The following SPOCK3 variants were observed in gnomAD, a reference collection of about 807,000 sequenced individuals.
The protein encoded by SPOCK3 is testican-3.
SPOCK3 carries 30 observed loss-of-function variants against 56.6 expected under a neutral mutation model. The observed-to-expected ratio is 0.53, with a 90% CI of 0.40 to 0.72. The LOEUF (loss-of-function observed/expected upper bound fraction) is 0.72, where lower values mean the gene tolerates loss of function less well. SPOCK3 is among the 30% of genes least tolerant of loss of function. The pLI, the probability that SPOCK3 is intolerant of heterozygous loss-of-function variation, is 0.00. For synonymous variants in SPOCK3, 196 were observed against 183.3 expected, an observed-to-expected ratio of 1.07 and a Z score of -0.56; for missense variants, 527 against 530.0, an observed-to-expected ratio of 0.99 and a Z score of 0.06.
At position 167,181,308 on chromosome 4, in the gene SPOCK3, G is replaced by A. The variant is rs148439512; in HGVS notation, c.189+52677C>T. ...GACTCCTCTCTCCAAGGATTCATTA[G>A]CAAATTCTGTGACCTCCTCCTTCAA... On this transcript the variant is annotated intron_variant, in intron 2 of 10. Transcript: ENST00000357545. Among the ~76,000 whole-genome samples, 25 of 152,248 alleles carry A rather than the reference G, an allele frequency of 1.6e-4. No homozygotes were observed. In the East Asian group the frequency reaches 4.1e-3, roughly 25 times the overall value.
intron 3 of SPOCK3, among the ~76,000 whole-genome samples, chr4:167,012,130 A>G (rs1750139044): frequency 6.6e-6 from 1 of 152,000 alleles, no homozygotes; most frequent in South Asian, 2.1e-4. Context: ...ACTATGTTTT[A>G]ATAATTAAAA....
intron 4 of SPOCK3, among the ~76,000 whole-genome samples, chr4:166,949,398 TGGA>T (rs1561044119): frequency 1.3e-5 from 2 of 152,216 alleles, no homozygotes; most frequent in South Asian, 2.1e-4. Context: ...TGCGTTCCTT[TGGA>T]GGAGGAGAGG....
chr4:167,000,077 C>T (rs1250904074), intron 4 of SPOCK3, among the ~76,000 whole-genome samples: 3 of 152,096 alleles, frequency 2.0e-5, no homozygotes, highest in African/African-American at 7.2e-5. Context: ...CTTGAAAAAG[C>T]ACAAACAACT....
intron 2 of SPOCK3, among the ~76,000 whole-genome samples, chr4:167,171,656 A>G (rs1276209835): frequency 6.6e-6 from 1 of 152,168 alleles, no homozygotes; most frequent in Non-Finnish European, 1.5e-5. Context: ...AGGTGAGACA[A>G]TCCAAAACAA....
intron 2 of SPOCK3, among the ~76,000 whole-genome samples, chr4:167,211,475 C>T (rs1180840918): frequency 6.6e-6 from 1 of 152,126 alleles, no homozygotes; most frequent in Non-Finnish European, 1.5e-5. Flanking sequence ...GCTGTGTCCC[C>T]ACCTAAATCT....
chr4:166,993,067 T>A (rs1747971786), intron 4 of SPOCK3, among the ~76,000 whole-genome samples: 1 of 152,150 alleles, frequency 6.6e-6, no homozygotes, highest in African/African-American at 2.4e-5. Context: ...GTATACAAGA[T>A]TCAGAAGTAT....
At position 167,189,228 on chromosome 4, in the gene SPOCK3, A is replaced by G. The variant is rs2110831967; in HGVS notation, c.189+44757T>C. Among the ~76,000 whole-genome samples, 2 of 146,142 alleles carry G rather than the reference A, an allele frequency of 1.4e-5. 1 individual carries two copies. On this transcript the variant is annotated intron_variant, in intron 2 of 10. Transcript: ENST00000357545. The stretch of plus-strand genomic sequence containing the variant: ...TAACACCCAACAATATATAATAAGA[A>G]AAGTACACTAGACAAAGTCAAATTT...
At chr4:166,825,399 C>A (rs1413991682) in intron 6 of SPOCK3, among the ~76,000 whole-genome samples, 1 of 151,978 alleles carries the variant, frequency 6.6e-6, no homozygotes, top group Non-Finnish European at 1.5e-5. Flanking sequence ...CAAAAAACAC[C>A]TTTCACAACT....
chr4:166,868,082 C>A (rs1000858738), intron 6 of SPOCK3, among the ~76,000 whole-genome samples: 2 of 151,808 alleles, frequency 1.3e-5, no homozygotes, highest in Non-Finnish European at 2.9e-5. Flanking sequence ...TAACTGCAAA[C>A]CACTATATAA....
chr4:167,035,714 C>T (rs1752690049), intron 3 of SPOCK3, among the ~76,000 whole-genome samples: 1 of 152,168 alleles, frequency 6.6e-6, no homozygotes, highest in African/African-American at 2.4e-5. Context: ...TCCTAGAACC[C>T]TAGCGTGAAC....
chr4:167,134,468 A>C (rs1268143402), intron 2 of SPOCK3, among the ~76,000 whole-genome samples: 2 of 152,080 alleles, frequency 1.3e-5, no homozygotes, highest in Admixed American at 1.3e-4. Context: ...TTTAATTTTT[A>C]TTTGCTATTA....
intron 6 of SPOCK3, among the ~76,000 whole-genome samples, chr4:166,858,951 G>T (rs954693402): frequency 1.2e-4 from 18 of 152,044 alleles, no homozygotes; most frequent in Non-Finnish European, 2.5e-4. Flanking sequence ...ATTCAATGGT[G>T]GTCCCCTAAA....
At chr4:166,891,369 A>G (rs10014842) in intron 5 of SPOCK3, among the ~76,000 whole-genome samples, 2,085 of 152,122 alleles carry the variant, frequency 0.014, 54 homozygotes, top group African/African-American at 0.047. Context: ...AATGCACCCA[A>G]TAGCTAATCA....
chr4:167,114,456 A>G (rs1761164329), intron 2 of SPOCK3, among the ~76,000 whole-genome samples: 2 of 152,286 alleles, frequency 1.3e-5, no homozygotes, highest in South Asian at 4.1e-4. Flanking sequence ...CCAAGATTAA[A>G]TATACGAGCT....
At chr4:167,048,503 C>G (rs888262929) in intron 3 of SPOCK3, among the ~76,000 whole-genome samples, 6 of 152,150 alleles carry the variant, frequency 3.9e-5, no homozygotes, top group African/African-American at 1.2e-4. Flanking sequence ...CTGTATAAAA[C>G]TGAACATACC....
chr4:166,908,936 A>C (rs1450408097), intron 5 of SPOCK3, among the ~76,000 whole-genome samples: 1 of 152,006 alleles, frequency 6.6e-6, no homozygotes, highest in Non-Finnish European at 1.5e-5. Flanking sequence ...CTCTCAAACA[A>C]CCTTGAACAG....
intron 3 of SPOCK3, among the ~76,000 whole-genome samples, chr4:167,052,585 G>T (rs1310834274): frequency 6.6e-6 from 1 of 152,096 alleles, no homozygotes; most frequent in Non-Finnish European, 1.5e-5. Context: ...AATCATCCTT[G>T]CATGTTCCCT....
At chr4:166,818,580 C>T (rs1443645743) in intron 6 of SPOCK3, among the ~76,000 whole-genome samples, 1 of 151,894 alleles carries the variant, frequency 6.6e-6, no homozygotes, top group Non-Finnish European at 1.5e-5. Context: ...AAACTTAAAA[C>T]ATCATATCTA....
chr4:166,794,266 T>C (rs540399302), intron 6 of SPOCK3, among the ~76,000 whole-genome samples: 2 of 146,750 alleles, frequency 1.4e-5, no homozygotes, highest in South Asian at 4.4e-4. Flanking sequence ...GCTTACACTG[T>C]AGCCTGCTGT....
Sources: allele counts gnomAD v4.1 joint callset (sites outside exome capture counted in the v4.1 genomes callset), GRCh38; gene constraint gnomAD v4.1.1; transcripts MANE v1.5; gene names NCBI Gene and HGNC (gene_info 2026-07-23, HGNC 2026-07-21).